Variants in RASA2 observed in about 807,000 individuals in gnomAD.
The protein encoded by RASA2 is RAS p21 protein activator 2.
In RASA2, 155 loss-of-function variants were observed where a neutral mutation model predicts 118.2. The ratio of observed to expected loss-of-function variants is 1.31; its 90% CI spans 1.15 to 1.50. The LOEUF is 1.50. RASA2 is among the 40% of genes most tolerant of loss of function. The pLI is 0.00. For missense variants in RASA2, 1,016 were observed against 1,009.6 expected, an observed-to-expected ratio of 1.01 and a Z score of -0.09; for synonymous variants, 353 against 349.1, an observed-to-expected ratio of 1.01 and a Z score of -0.12.
chr3:141,528,308 T>C (rs1252359336), intron 3 of RASA2, among the ~76,000 whole-genome samples: 1 of 151,978 alleles, frequency 6.6e-6, no homozygotes, highest in Non-Finnish European at 1.5e-5. Context: ...GTGGTTACAT[T>C]CTAAAAATAA....
intron 1 of RASA2, among the ~76,000 whole-genome samples, chr3:141,499,898 T>C (rs1424659537): frequency 6.6e-6 from 1 of 152,176 alleles, no homozygotes; most frequent in Non-Finnish European, 1.5e-5. Context: ...CAATGTGTTG[T>C]TTTTTTAAAG....
chr3:141,500,406 CA>C (rs1275979949), intron 1 of RASA2, among the ~76,000 whole-genome samples: 4 of 152,034 alleles, frequency 2.6e-5, no homozygotes, highest in African/African-American at 9.7e-5. Context: ...TTATTATATA[CA>C]AAATATTTTT....
At chr3:141,546,362 C>A (rs1393900904) in intron 5 of RASA2, among the ~76,000 whole-genome samples, 1 of 152,144 alleles carries the variant, frequency 6.6e-6, no homozygotes, top group Non-Finnish European at 1.5e-5. Context: ...TTACGCATGT[C>A]TTTTGGATAA....
intron 19 of RASA2, among the ~76,000 whole-genome samples, chr3:141,592,935 A>G (rs964428356): frequency 6.6e-6 from 1 of 152,034 alleles, no homozygotes; most frequent in Non-Finnish European, 1.5e-5. Flanking sequence ...TGGTAGTGGT[A>G]GAGAAGCTTA....
At chr3:141,578,821 G>C (rs2083055016) in intron 15 of RASA2, 1 of 152,190 alleles carries the variant, frequency 6.6e-6, no homozygotes, top group Admixed American at 6.5e-5. Context: ...GGATACTTAG[G>C]TTGGTTCTAT....
chr3:141,524,872 T>C (rs2082163720), intron 3 of RASA2, among the ~76,000 whole-genome samples: 1 of 152,130 alleles, frequency 6.6e-6, no homozygotes, highest in South Asian at 2.1e-4. Context: ...ATTACACGCG[T>C]GAGCCACCAT....
At chr3:141,559,641 C>T (rs1038986861) in intron 8 of RASA2, among the ~76,000 whole-genome samples, 1 of 152,086 alleles carries the variant, frequency 6.6e-6, no homozygotes, top group Non-Finnish European at 1.5e-5. Context: ...AAAGCCTCGA[C>T]TTTCAAACTA....
At chr3:141,537,367 T>G (rs552796195) in intron 4 of RASA2, among the ~76,000 whole-genome samples, 3 of 152,244 alleles carry the variant, frequency 2.0e-5, no homozygotes, top group Non-Finnish European at 4.4e-5. Context: ...TGCTACTAAA[T>G]ACATTTTCAT....
intron 5 of RASA2, among the ~76,000 whole-genome samples, chr3:141,547,862 G>C (rs971070080): frequency 6.6e-6 from 1 of 152,042 alleles, no homozygotes; most frequent in Admixed American, 6.6e-5. Context: ...TGATCCTTCT[G>C]TACCTATTTT....
intron 6 of RASA2, 96 bp downstream of exon 6, chr3:141,554,036 T>C: frequency 6.8e-7 from 1 of 1,476,180 alleles, no homozygotes; most frequent in Non-Finnish European, 9.0e-7. Flanking sequence ...TAAATAGCTA[T>C]TTATAACACA....
At chr3:141,544,421 C>T (rs1042859027) in intron 5 of RASA2, among the ~76,000 whole-genome samples, 2 of 152,036 alleles carry the variant, frequency 1.3e-5, no homozygotes, top group Non-Finnish European at 1.5e-5. Flanking sequence ...CCCAGAGGTC[C>T]CCCTGAGGCT....
Position 141,560,045 on chromosome 3 carries a change from C to T in RASA2, c.863+50C>T, listed in dbSNP as rs781571959. ...CTCCATAGTTTAATTCTCTTTAGTACAGTATATATATGCAAATAAATGCTT... is the reference window on the plus strand; with the variant it reads ...CTCCATAGTTTAATTCTCTTTAGTATAGTATATATATGCAAATAAATGCTT... On this transcript the variant is annotated intron_variant, in intron 9 of 23. Transcript: ENST00000286364. 10 of 1,425,900 alleles carry T rather than the reference C, an allele frequency of 7.0e-6. No homozygotes were observed. In the Admixed American group the frequency reaches 1.8e-4, roughly 25 times the overall value. 88.3% of individuals were successfully genotyped at this position (1,425,900 alleles called of 1,614,324 possible).
Position 141,553,875 on chromosome 3 carries a change from G to A in RASA2, c.546G>A (p.Gly182=). The A allele has an allele frequency of 1.9e-6, 3 of 1,611,496 alleles. No individual in the cohort carries two copies. Among genetic ancestry groups the A allele is most frequent in the Non-Finnish European group, 1.7e-6 (2 of 1,178,514 alleles). The change falls in exon 6 of 24, where the codon GGG becomes GGA. Residue 182 remains glycine, a synonymous_variant. Coordinates refer to ENST00000286364, the MANE Select transcript of RASA2 (RefSeq NM_006506.5). ...ACCTTAGCATCAAGGCATGCCATGG[G>A]TTGCCTCTCATAAATGGCCAAAGCT... is the stretch of plus-strand genomic sequence containing the variant. ...QLVVHIKACH[G]LPLINGQSCD...
At chr3:141,609,824 C>T (rs1236596458) in intron 22 of RASA2, 53 bp from the exon 23 acceptor site, 1 of 1,446,770 alleles carries the variant, frequency 6.9e-7, no homozygotes, top group Non-Finnish European at 9.2e-7. Flanking sequence ...CTACATATTG[C>T]ATTTATAGAA....
Position 141,580,084 on chromosome 3 carries a change from AAAT to A in RASA2, c.1591-282_1591-280del, listed in dbSNP as rs1195815711. On this transcript the variant is annotated intron_variant, in intron 15 of 23. Transcript: ENST00000286364. ...AAAAAAAAAAGAAAAAAAAAAAAAA[AAAT>A]ATATATATATATATATATATATATA... Among the ~76,000 whole-genome samples, 308 of 88,916 alleles carry A rather than the reference AAAT, an allele frequency of 3.5e-3. 1 individual carries two copies. The highest frequency in any genetic ancestry group is 0.015 in the East Asian group (37 of 2,478). 58.3% of individuals were successfully genotyped at this position (88,916 alleles called of 152,430 possible).
chr3:141,527,270 AATTG>A (rs1393547486), intron 3 of RASA2, among the ~76,000 whole-genome samples: 1 of 152,192 alleles, frequency 6.6e-6, no homozygotes, highest in African/African-American at 2.4e-5. Context: ...CATATTCATA[AATTG>A]TGTACAAAAC....
At chr3:141,565,665 T>A (rs1368865086) in intron 9 of RASA2, among the ~76,000 whole-genome samples, 2 of 152,192 alleles carry the variant, frequency 1.3e-5, no homozygotes, top group Non-Finnish European at 2.9e-5. Context: ...CTGCCATGAT[T>A]GCGAGGTCTC....
intron 4 of RASA2, among the ~76,000 whole-genome samples, chr3:141,534,303 G>A (rs554370981): frequency 6.6e-6 from 1 of 152,278 alleles, no homozygotes; most frequent in Non-Finnish European, 1.5e-5. Context: ...GAAAGGTTGA[G>A]GCAGACAGAT....
chr3:141,519,169 C>T (rs923837273), intron 3 of RASA2, among the ~76,000 whole-genome samples: 1 of 152,126 alleles, frequency 6.6e-6, no homozygotes, highest in Non-Finnish European at 1.5e-5. Context: ...CTCTGCCCCA[C>T]AGAGTATCAT....
Sources: gnomAD v4.1 joint callset for allele counts (sites outside exome capture counted in the v4.1 genomes callset) on GRCh38, gnomAD v4.1.1 for gene constraint, MANE v1.5 for transcripts, NCBI Gene and HGNC (gene_info 2026-07-23, HGNC 2026-07-21) for gene names.